Variants in DGKA observed in about 807,000 individuals in gnomAD.
DGKA encodes diacylglycerol kinase alpha.
DGKA carries 35 observed loss-of-function variants against 105.0 expected under a neutral mutation model. That is an observed-to-expected ratio of 0.33 (90% confidence interval 0.25 to 0.44). The LOEUF (loss-of-function observed/expected upper bound fraction) is 0.44. DGKA is among the 20% of genes least tolerant of loss of function. DGKA has a pLI of 1.00. For missense variants in DGKA, 665 were observed against 915.0 expected (o/e 0.73, Z 3.53); for synonymous variants, 296 against 332.0 (o/e 0.89, Z 1.18).
At chr12:55,938,139 T>A in intron 5 of DGKA, 87 bp downstream of exon 5, 2 of 1,251,484 alleles carry the variant, frequency 1.6e-6, no homozygotes, top group Non-Finnish European at 2.3e-6. Flanking sequence ...TCCTTCAGGA[T>A]TCCTAAAGGC....
chr12:55,929,252 C>T (rs746323249), upstream of DGKA: 10 of 152,262 alleles, frequency 6.6e-5, no homozygotes, highest in Admixed American at 3.9e-4. Flanking sequence ...TACTTCAGCC[C>T]TGCAGGGTCT....
At chr12:55,942,900 C>T (rs746974607) in intron 17 of DGKA, among the ~76,000 whole-genome samples, 10 of 152,004 alleles carry the variant, frequency 6.6e-5, no homozygotes, top group Non-Finnish European at 1.0e-4. Context: ...CTAAGGGCAG[C>T]GGAAGGCATT....
Position 55,952,519 on chromosome 12 carries a change from T to C in DGKA, c.1743+88T>C. On this transcript the variant is annotated intron_variant, in intron 20 of 23. Transcript: ENST00000331886. The surrounding 1 kb of genome is among the most constrained non-coding windows in gnomAD (Gnocchi z 5.1). ...CCATGGCACCCTTAGGAACTTCCCA[T>C]ATTCTTGAACCTATGCTTCTTTAAC... 1 of 1,396,290 alleles carries C rather than the reference T, an allele frequency of 7.2e-7. No homozygotes were observed. The highest frequency in any genetic ancestry group is 1.2e-5 in the South Asian group (1 of 85,236). 86.5% of individuals were successfully genotyped at this position (1,396,290 alleles called of 1,614,324 possible).
chr12:55,951,983 C>G, intron 18 of DGKA, 52 bp from the exon 19 acceptor site: 2 of 1,602,566 alleles, frequency 1.2e-6, no homozygotes, highest in Non-Finnish European at 1.7e-6. Context: ...GAGGGGAGAC[C>G]GGGAGGGAGA....
At position 55,936,587 on chromosome 12, in the gene DGKA, C is replaced by G; in HGVS notation, c.64+20C>G. On this transcript the variant is annotated intron_variant, in intron 2 of 23. Transcript: ENST00000331886. ...TGGAATGTGAGTCTTCCTGTCAGGC[C>G]TTCAGTTCTGGAGACCCTGCCCCAG... The G allele has an allele frequency of 6.2e-7, 1 of 1,614,154 alleles. No homozygotes were observed. The highest frequency in any genetic ancestry group is 8.5e-7 in the Non-Finnish European group (1 of 1,180,018).
At position 55,952,986 on chromosome 12, in the gene DGKA, T is replaced by A. The variant is rs756078079; in HGVS notation, c.1942+54T>A. 9.7e-5 allele frequency: 157 copies of A among 1,613,828 alleles called. 1 individual carries two copies. Among genetic ancestry groups the A allele is most frequent in the Non-Finnish European group, 1.2e-4 (147 of 1,179,928 alleles). On this transcript the variant is annotated intron_variant, in intron 21 of 23. Coordinates refer to ENST00000331886, the MANE Select transcript of DGKA (RefSeq NM_001345.5). The surrounding 1 kb of genome is among the most constrained non-coding windows in gnomAD (Gnocchi z 5.1). ...GGGCAGGACGAAGGGAAAGTGTGAC[T>A]CCCTATGGGGATACCCTGTTTATGT... is the stretch of plus-strand genomic sequence containing the variant.
At chr12:55,947,632 A>G (rs1269850127) in intron 17 of DGKA, among the ~76,000 whole-genome samples, 6 of 152,154 alleles carry the variant, frequency 3.9e-5, no homozygotes, top group Non-Finnish European at 7.3e-5. Flanking sequence ...ACAGTTCCCT[A>G]TTGGTGGACA....
In DGKA at chr12:55,950,027, T is replaced by A. The variant is rs577723911; in HGVS notation, c.1427-1596T>A. Reference sequence around the variant, plus strand: ...TTCACTCTTGTTGCCCAGGCTGGAGTGCAGTGGCGCAATCTCAGCTCACTG... The same window carrying A: ...TTCACTCTTGTTGCCCAGGCTGGAGAGCAGTGGCGCAATCTCAGCTCACTG... On this transcript the variant is annotated intron_variant, in intron 17 of 23. Transcript: ENST00000331886. 4.6e-5 allele frequency among the ~76,000 whole-genome samples: 7 copies of A among 151,476 alleles called. No individual in the cohort carries two copies. In the South Asian group the frequency reaches 1.5e-3, roughly 32 times the overall value.
chr12:55,951,072 T>G (rs115511251), intron 17 of DGKA, among the ~76,000 whole-genome samples: 2,149 of 152,194 alleles, frequency 0.014, 55 homozygotes, highest in African/African-American at 0.05. Context: ...CAGTAGGTAG[T>G]TTTTCATGCT....
intron 16 of DGKA, 36 bp downstream of exon 16, chr12:55,942,119 G>A: frequency 6.2e-7 from 1 of 1,613,892 alleles, no homozygotes; most frequent in Non-Finnish European, 8.5e-7. Flanking sequence ...AGGTATTGGG[G>A]TCGTAGTCTT....
Position 55,932,351 on chromosome 12 carries a change from C to T in DGKA, c.-82+1007C>T, listed in dbSNP as rs1286323031. The T allele has an allele frequency of 1.7e-6, 1 of 587,882 alleles. No individual in the cohort carries two copies. Among genetic ancestry groups the T allele is most frequent in the African/African-American group, 1.9e-5 (1 of 53,622 alleles). 36.4% of individuals were successfully genotyped at this position (587,882 alleles called of 1,614,324 possible). A position where few individuals can be genotyped will look rare whatever the true frequency, so the allele number is the denominator to read the frequency against. ...GTTTCCCAGACCTTCCCCTCCATCCCTCCCGCTCATTCGGAGGGATGGTGA... is the reference window on the plus strand; with the variant it reads ...GTTTCCCAGACCTTCCCCTCCATCCTTCCCGCTCATTCGGAGGGATGGTGA... On this transcript the variant is annotated intron_variant, in intron 1 of 23. Coordinates refer to ENST00000331886, the MANE Select transcript of DGKA (RefSeq NM_001345.5). The surrounding 1 kb of genome is among the most constrained non-coding windows in gnomAD (Gnocchi z 4.3).
In DGKA at chr12:55,940,543, G is replaced by A. The variant is rs138441006; in HGVS notation, c.919-81G>A. ...AGGCACAGTTGCCCCTGCTCCCAAG[G>A]GCTCTTTCCAGCCCAGACTGCCAGG... On this transcript the variant is annotated intron_variant, in intron 11 of 23. Coordinates refer to ENST00000331886, the MANE Select transcript of DGKA (RefSeq NM_001345.5). The surrounding 1 kb of genome is among the most constrained non-coding windows in gnomAD (Gnocchi z 4.3). 76 of 1,567,980 alleles carry A rather than the reference G, an allele frequency of 4.8e-5. No homozygotes were observed. The African/African-American group carries it at 1.0e-3, about 21-fold the overall frequency.
chr12:55,946,235 G>T (rs1461034503), intron 17 of DGKA, among the ~76,000 whole-genome samples: 7 of 151,502 alleles, frequency 4.6e-5, no homozygotes, highest in Admixed American at 4.6e-4. Flanking sequence ...CAATGGCACG[G>T]TCTGGGCTCA....
chr12:55,952,174 G>T lies in DGKA; in HGVS notation c.1652+75G>T. 6.3e-7 allele frequency: 1 copy of T among 1,593,598 alleles called. No individual in the cohort carries two copies. The highest frequency in any genetic ancestry group is 8.6e-7 in the Non-Finnish European group (1 of 1,161,872). ...GTTTTGACCAAGTTTGACTCAGATTGCTCAGAAGAACAGTGGCACCTCTAG... is the reference window on the plus strand; with the variant it reads ...GTTTTGACCAAGTTTGACTCAGATTTCTCAGAAGAACAGTGGCACCTCTAG... On this transcript the variant is annotated intron_variant, in intron 19 of 23. Transcript: ENST00000331886. The surrounding 1 kb of genome is among the most constrained non-coding windows in gnomAD (Gnocchi z 5.1).
Position 55,932,450 on chromosome 12 carries a change from G to C in DGKA, c.-82+1106G>C, listed in dbSNP as rs1226293483. ...CCACAGTGCCGCACGGGTGGAGAAG[G>C]GTTCTTGTTTGGCCTCCAGGTCCCC... On this transcript the variant is annotated intron_variant, in intron 1 of 23. Transcript: ENST00000331886. The surrounding 1 kb of genome is among the most constrained non-coding windows in gnomAD (Gnocchi z 4.3). 1 of 686,854 alleles carries C rather than the reference G, an allele frequency of 1.5e-6. No individual in the cohort carries two copies. Among genetic ancestry groups the C allele is most frequent in the East Asian group, 2.7e-5 (1 of 37,078 alleles). The allele number at this position is 686,854 out of a possible 1,614,324, so 42.5% of individuals were successfully genotyped here.
intron 5 of DGKA, 66 bp downstream of exon 5, chr12:55,938,118 C>A: frequency 1.4e-6 from 2 of 1,415,262 alleles, no homozygotes; most frequent in Admixed American, 1.8e-5. Flanking sequence ...TCCCATCCTC[C>A]TTTCCCTTAT....
At position 55,952,993 on chromosome 12, in the gene DGKA, G is replaced by A. The variant is rs1452200500; in HGVS notation, c.1943-47G>A. 1 of 1,614,096 alleles carries A rather than the reference G, an allele frequency of 6.2e-7. No individual in the cohort carries two copies. Among genetic ancestry groups the A allele is most frequent in the Admixed American group, 1.7e-5 (1 of 60,018 alleles). ...ACGAAGGGAAAGTGTGACTCCCTATGGGGATACCCTGTTTATGTAAAACTT... is the reference window on the plus strand; with the variant it reads ...ACGAAGGGAAAGTGTGACTCCCTATAGGGATACCCTGTTTATGTAAAACTT... On this transcript the variant is annotated intron_variant, in intron 21 of 23. Transcript: ENST00000331886. This position sits in a 1 kb window ranked among gnomAD's most constrained non-coding sequence, Gnocchi z 5.1.
intron 2 of DGKA, 171 bp downstream of exon 2, chr12:55,936,738 A>ACT (rs746054457): frequency 5.9e-6 from 6 of 1,024,778 alleles, no homozygotes; most frequent in African/African-American, 3.1e-5. Flanking sequence ...GATGTCAGAA[A>ACT]AAGATCCGGA....
chr12:55,952,673 A>G lies in DGKA; in HGVS notation c.1744-61A>G, dbSNP rs1325888246. ...GGTGGAGGGAGCGATCACATCTATG[A>G]TCATGCCATGAGGTGAGGATCTGTA... On this transcript the variant is annotated intron_variant, in intron 20 of 23. Transcript: ENST00000331886. The surrounding 1 kb of genome is among the most constrained non-coding windows in gnomAD (Gnocchi z 5.1). The G allele has an allele frequency of 4.4e-5, 70 of 1,581,562 alleles. No individual in the cohort carries two copies. Among genetic ancestry groups the G allele is most frequent in the Non-Finnish European group, 5.7e-5 (66 of 1,152,508 alleles).
Sources: allele counts gnomAD v4.1 joint callset (sites outside exome capture counted in the v4.1 genomes callset), GRCh38; gene constraint gnomAD v4.1.1; non-coding constraint Gnocchi (gnomAD v3.1); transcripts MANE v1.5; gene names NCBI Gene and HGNC (gene_info 2026-07-23, HGNC 2026-07-21).